Variants in ZSWIM6 observed in about 807,000 individuals in gnomAD.
The protein encoded by ZSWIM6 is zinc finger SWIM-type containing 6, also known as zinc finger SWIM domain-containing protein 6.
A neutral mutation model predicts 113.2 loss-of-function variants in ZSWIM6; 9 were observed. That is an observed-to-expected ratio of 0.08 (90% CI 0.05 to 0.14). The LOEUF (loss-of-function observed/expected upper bound fraction) is 0.14, where lower values mean the gene tolerates loss of function less well. Ranked by LOEUF, ZSWIM6 falls within the 10% of genes least tolerant of loss-of-function variation. The pLI is 1.00. For synonymous variants in ZSWIM6, 611 were observed against 606.5 expected (o/e 1.01, Z -0.11); for missense variants, 1,162 against 1,552.2 (o/e 0.75, Z 4.22).
In ZSWIM6 at chr5:61,535,478, C is replaced by T; in HGVS notation, c.2246-6C>T. ...AACGTAAAATGTGTATGCTCTCTTC[C>T]CACAGCCGGACCATATAGTGGTTTA... On this transcript the variant is annotated splice_polypyrimidine_tract_variant and splice_region_variant and intron_variant, in intron 9 of 13. Coordinates refer to ENST00000252744, the MANE Select transcript of ZSWIM6 (RefSeq NM_020928.2). 18 of 1,551,052 alleles carry T rather than the reference C, an allele frequency of 1.2e-5. No homozygotes were observed. Among genetic ancestry groups the T allele is most frequent in the Non-Finnish European group, 1.5e-5 (17 of 1,146,544 alleles).
intron 1 of ZSWIM6, chr5:61,375,053 G>C (rs1328080364): frequency 2.7e-6 from 4 of 1,472,822 alleles, no homozygotes; most frequent in Non-Finnish European, 3.8e-6. Flanking sequence ...AGATATTAAA[G>C]GGTAAGTCTC....
At position 61,533,661 on chromosome 5, in the gene ZSWIM6, G is replaced by T. The variant is rs79053743; in HGVS notation, c.2246-1823G>T. ...GGATCTCCTGAATAGTACAAAAAAG[G>T]TAATTTGGTGGTTTAAGGGGAAACA... On this transcript the variant is annotated intron_variant, in intron 9 of 13. Coordinates refer to ENST00000252744, the MANE Select transcript of ZSWIM6 (RefSeq NM_020928.2). Among the ~76,000 whole-genome samples, 477 of 152,280 alleles carry T rather than the reference G, an allele frequency of 3.1e-3. 9 individuals are homozygous for T. In the East Asian group the frequency reaches 0.044, roughly 14 times the overall value.
Position 61,390,880 on chromosome 5 carries a change from T to G in ZSWIM6, c.676+57932T>G, listed in dbSNP as rs1220660162. ...TTCTTGGTGTCCACCACACAGTCTT[T>G]CAGCATGACAAAGTCATTGGTCACT... On this transcript the variant is annotated intron_variant, in intron 1 of 13. Coordinates refer to ENST00000252744, the MANE Select transcript of ZSWIM6 (RefSeq NM_020928.2). The G allele has an allele frequency of 6.7e-6, 6 of 894,590 alleles. No individual in the cohort carries two copies. In the Admixed American group the frequency reaches 1.0e-4, roughly 15 times the overall value. The allele number at this position is 894,590 out of a possible 1,614,324, so 55.4% of individuals were successfully genotyped here. A position where few individuals can be genotyped will look rare whatever the true frequency, so the allele number is the denominator to read the frequency against.
intron 1 of ZSWIM6, among the ~76,000 whole-genome samples, chr5:61,399,953 A>C (rs1745911090): frequency 6.6e-6 from 1 of 151,988 alleles, no homozygotes; most frequent in South Asian, 2.1e-4. Flanking sequence ...CTACCTGTAC[A>C]CTCGGGGGTA....
At chr5:61,458,708 T>C (rs990166602) in intron 1 of ZSWIM6, among the ~76,000 whole-genome samples, 8 of 151,690 alleles carry the variant, frequency 5.3e-5, no homozygotes, top group Non-Finnish European at 7.4e-5. Flanking sequence ...AGAAACCCCG[T>C]CTCTACTAAA....
intron 5 of ZSWIM6, among the ~76,000 whole-genome samples, chr5:61,524,647 A>G (rs894167674): frequency 1.3e-5 from 2 of 152,182 alleles, no homozygotes; most frequent in African/African-American, 4.8e-5. Flanking sequence ...CTTCTTCTCA[A>G]TTCAGTTGTC....
chr5:61,542,666 T>C (rs1400905883), intron 13 of ZSWIM6, among the ~76,000 whole-genome samples: 4 of 152,224 alleles, frequency 2.6e-5, no homozygotes, highest in Non-Finnish European at 5.9e-5. Context: ...CACTAACGTA[T>C]AATGGTTTTT....
rs1198317660 is a variant in ZSWIM6 at position 61,472,466 on chromosome 5, A to C, written c.677-215A>C. ...TTCATATGGCTGTGTAAAATACTTC[A>C]GCATATCAGTTGAATACCATTTATT... On this transcript the variant is annotated intron_variant, in intron 1 of 13. Coordinates refer to ENST00000252744, the MANE Select transcript of ZSWIM6 (RefSeq NM_020928.2). This position sits in a 1 kb window ranked among gnomAD's most constrained non-coding sequence, Gnocchi z 4.1. Among the ~76,000 whole-genome samples the C allele has an allele frequency of 6.6e-6, 1 of 152,186 alleles. No individual in the cohort carries two copies. The highest frequency in any genetic ancestry group is 2.4e-5 in the African/African-American group (1 of 41,438).
At chr5:61,494,187 T>C (rs1263400627) in intron 3 of ZSWIM6, 73 bp from the exon 4 acceptor site, 21 of 1,474,320 alleles carry the variant, frequency 1.4e-5, no homozygotes, top group Admixed American at 4.1e-5. Context: ...GTGGTTTGTC[T>C]CTTGTGTTGC....
intron 4 of ZSWIM6, among the ~76,000 whole-genome samples, chr5:61,497,986 C>G (rs1748366113): frequency 6.6e-6 from 1 of 152,226 alleles, no homozygotes; most frequent in East Asian, 1.9e-4. Context: ...GTTCAGCACA[C>G]TTAATTACTG....
At position 61,521,373 on chromosome 5, in the gene ZSWIM6, G is replaced by C. The variant is rs1312352089; in HGVS notation, c.1444G>C (p.Asp482His). The change falls in exon 5 of 14, where the codon GAT becomes CAT. Residue 482 changes from aspartate to histidine, a missense_variant. By Grantham distance (81) the Asp-to-His change is moderately conservative (BLOSUM62 -1). Coordinates refer to ENST00000252744, the MANE Select transcript of ZSWIM6 (RefSeq NM_020928.2). ...TAGTGTTGATGTCTGTCCATGGGAA[G>C]ATGGAAATCATGGCAGTGAATTACC... ...WNSVDVCPWE[D>H]GNHGSELPNL... is the part of the protein sequence containing the mutation. 6.5e-7 allele frequency: 1 copy of C among 1,531,198 alleles called. No individual in the cohort carries two copies. The highest frequency in any genetic ancestry group is 8.8e-7 in the Non-Finnish European group (1 of 1,137,690). 94.9% of individuals were successfully genotyped at this position (1,531,198 alleles called of 1,614,324 possible).
At chr5:61,336,134 C>T (rs1033464828) in intron 1 of ZSWIM6, among the ~76,000 whole-genome samples, 4 of 152,018 alleles carry the variant, frequency 2.6e-5, no homozygotes, top group Non-Finnish European at 4.4e-5. Context: ...CATGGTGGTA[C>T]GCATCTGTGG....
chr5:61,508,570 C>A (rs1001802126), intron 4 of ZSWIM6, among the ~76,000 whole-genome samples: 2 of 152,096 alleles, frequency 1.3e-5, no homozygotes, highest in Non-Finnish European at 2.9e-5. Context: ...GATTTATAAT[C>A]TTTTTTGGTA....
chr5:61,338,526 A>G (rs922341573), intron 1 of ZSWIM6, among the ~76,000 whole-genome samples: 3 of 152,148 alleles, frequency 2.0e-5, no homozygotes, highest in Admixed American at 6.5e-5. Flanking sequence ...GATTTTTGAA[A>G]GTATTTCAGT....
intron 2 of ZSWIM6, among the ~76,000 whole-genome samples, chr5:61,482,813 G>A (rs973458105): frequency 2.0e-5 from 3 of 152,048 alleles, no homozygotes; most frequent in Admixed American, 6.5e-5. Flanking sequence ...TAAGTTATTT[G>A]CTGGAAAATG....
chr5:61,408,410 AAAG>A (rs777713258), intron 1 of ZSWIM6, among the ~76,000 whole-genome samples: 2 of 152,360 alleles, frequency 1.3e-5, no homozygotes, highest in African/African-American at 2.4e-5. Context: ...GGGGTCTAAA[AAAG>A]CTTTAAAATA....
At chr5:61,425,476 G>C (rs1746446745) in intron 1 of ZSWIM6, among the ~76,000 whole-genome samples, 1 of 152,180 alleles carries the variant, frequency 6.6e-6, no homozygotes, top group Non-Finnish European at 1.5e-5. Flanking sequence ...ACCATGCTTA[G>C]AAGACACCGT....
intron 1 of ZSWIM6, among the ~76,000 whole-genome samples, chr5:61,334,365 C>G (rs905957514): frequency 5.3e-5 from 8 of 152,210 alleles, no homozygotes; most frequent in African/African-American, 1.9e-4. Flanking sequence ...CTGACCCCCT[C>G]CCATGTTAGT....
chr5:61,523,430 A>G (rs973387145), intron 5 of ZSWIM6, among the ~76,000 whole-genome samples: 2 of 152,220 alleles, frequency 1.3e-5, no homozygotes, highest in Admixed American at 6.5e-5. Flanking sequence ...ATAATTTTTT[A>G]ATATACCAAA....
Sources: allele counts gnomAD v4.1 joint callset (sites outside exome capture counted in the v4.1 genomes callset), GRCh38; gene constraint gnomAD v4.1.1; non-coding constraint Gnocchi (gnomAD v3.1); transcripts MANE v1.5; gene names NCBI Gene and HGNC (gene_info 2026-07-23, HGNC 2026-07-21).